CLK4: variants seen among roughly 807,000 people sequenced by gnomAD.
The protein encoded by CLK4 is CDC like kinase 4.
In CLK4, 37 loss-of-function variants were observed where a neutral mutation model predicts 64.4. The ratio of observed to expected loss-of-function variants is 0.57; its 90% CI spans 0.44 to 0.76. CLK4 has a LOEUF of 0.76. CLK4 is among the 30% of genes least tolerant of loss of function. The pLI is 0.00. For synonymous variants in CLK4, 175 were observed against 191.6 expected, an observed-to-expected ratio of 0.91 and a Z score of 0.72; for missense variants, 457 against 605.1, an observed-to-expected ratio of 0.76 and a Z score of 2.57.
chr5:178,611,776 C>A (rs907893633), intron 9 of CLK4, among the ~76,000 whole-genome samples: 6 of 152,244 alleles, frequency 3.9e-5, no homozygotes, highest in Admixed American at 3.9e-4. Context: ...CAGCTTATTA[C>A]ATTCAACTCT....
rs765466785 is a variant in CLK4 at position 178,616,889 on chromosome 5, G to C, written c.535C>G (p.His179Asp). 266 of 1,611,782 alleles carry C rather than the reference G, an allele frequency of 1.7e-4. 1 individual carries two copies. In the South Asian group the frequency reaches 2.8e-3, roughly 17 times the overall value. ...AFGKVVECIDHGMDGMHVAVK... is the reference protein window; with the variant it reads ...AFGKVVECIDDGMDGMHVAVK... ...AGGAAAAAACAAACTTACATGCCAT[G>C]ATCAATGCACTCTACAACTTTGCCA... Residue 179 changes from histidine (H) to aspartate (D), a missense_variant, in exon 5 of 13, where the codon CAT becomes GAT. Physicochemically the swap from His to Asp is moderately conservative, Grantham distance 81 (BLOSUM62 -1). Coordinates refer to ENST00000316308, the MANE Select transcript of CLK4 (RefSeq NM_020666.3).
In CLK4 at chr5:178,609,059, G is replaced by A. The variant is rs367706668; in HGVS notation, c.1052-601C>T. On this transcript the variant is annotated intron_variant, in intron 9 of 12. Transcript: ENST00000316308. The stretch of plus-strand genomic sequence containing the variant: ...AGAGAGGGATCTATACATAAACATC[G>A]GCGCTGTCTATACATGATTTTATAT... Among the ~76,000 whole-genome samples the A allele has an allele frequency of 3.4e-3, 520 of 152,128 alleles. 1 individual carries two copies. Among genetic ancestry groups the A allele is most frequent in the African/African-American group, 0.011 (465 of 41,498 alleles).
chr5:178,607,145 G>T (rs1303934469), intron 10 of CLK4, among the ~76,000 whole-genome samples: 2 of 151,106 alleles, frequency 1.3e-5, no homozygotes, highest in African/African-American at 2.4e-5. Context: ...AAGCAGGAGG[G>T]ATAATCTCTA....
chr5:178,622,084 A>C (rs187034233), intron 2 of CLK4: 5 of 152,316 alleles, frequency 3.3e-5, no homozygotes, highest in African/African-American at 1.2e-4. Context: ...TATGAGCACA[A>C]ATGAACTGTT....
At chr5:178,604,427 T>C (rs1340517122) in intron 11 of CLK4, 4 of 145,696 alleles carry the variant, frequency 2.7e-5, no homozygotes, top group East Asian at 4.0e-4. Flanking sequence ...AAAACACTTA[T>C]GCAAACGTAA....
chr5:178,607,387 T>C (rs531673172), intron 10 of CLK4, among the ~76,000 whole-genome samples: 2 of 152,234 alleles, frequency 1.3e-5, no homozygotes, highest in Non-Finnish European at 2.9e-5. Flanking sequence ...CTATTTCTTC[T>C]TCCTTATATG....
intron 1 of CLK4, among the ~76,000 whole-genome samples, chr5:178,624,559 C>T (rs1421760586): frequency 6.6e-6 from 1 of 152,150 alleles, no homozygotes; most frequent in Non-Finnish European, 1.5e-5. Flanking sequence ...TCAGCATCTG[C>T]GCTCAAACAA....
intron 10 of CLK4, among the ~76,000 whole-genome samples, chr5:178,607,304 A>G (rs1194610642): frequency 6.6e-6 from 1 of 152,052 alleles, no homozygotes; most frequent in African/African-American, 2.4e-5. Flanking sequence ...TCCCATTTAT[A>G]CAAGACACTC....
chr5:178,618,575 G>A lies in CLK4; in HGVS notation c.365C>T (p.Ser122Leu). ...SPKRKRNRHC[S>L]SHQSRSKSHR... Reference sequence around the variant, plus strand: ...TCATACCGAACGTGACTGATGACTTGAACAGTGTCTATTGCGCTTCCTTTT... The same window carrying A: ...TCATACCGAACGTGACTGATGACTTAAACAGTGTCTATTGCGCTTCCTTTT... Residue 122 changes from serine to leucine, a missense_variant, in exon 3 of 13, where the codon TCA (serine) becomes TTA (leucine). Ser to Leu is a moderately radical substitution (Grantham distance 145, BLOSUM62 -2). Transcript: ENST00000316308. The A allele has an allele frequency of 6.2e-7, 1 of 1,613,814 alleles. No individual in the cohort carries two copies. Among genetic ancestry groups the A allele is most frequent in the Non-Finnish European group, 8.5e-7 (1 of 1,179,844 alleles).
In CLK4 at chr5:178,605,205, A is replaced by G. The variant is rs769924199; in HGVS notation, c.1214+98T>C. 13 of 591,870 alleles carry G rather than the reference A, an allele frequency of 2.2e-5. 1 individual carries two copies. Among genetic ancestry groups the G allele is most frequent in the Middle Eastern group, 8.0e-4 (2 of 2,494 alleles). 36.7% of individuals were successfully genotyped at this position (591,870 alleles called of 1,614,324 possible). ...AAAAAAAAAAAAAGTCAAAATCTAT[A>G]GTCCTTGGAATCAGTATTACAACAA... On this transcript the variant is annotated intron_variant, in intron 11 of 12. Transcript: ENST00000316308.
In CLK4 at chr5:178,623,324, C is replaced by T; in HGVS notation, c.93G>A (p.Arg31=). 6.2e-7 allele frequency: 1 copy of T among 1,614,018 alleles called. No individual in the cohort carries two copies. The highest frequency in any genetic ancestry group is 8.5e-7 in the Non-Finnish European group (1 of 1,179,952). The change falls in exon 2 of 13, where the codon AGG becomes AGA. Residue 31 remains arginine, a synonymous_variant. Transcript: ENST00000316308. The part of the protein sequence containing the change: ...ESYRGSHKRK[R]RSHSSTQENR... ...TCTCTTGTGTGCTACTATGAGATCT[C>T]CTCTTCCGCTTGTGACTTCCACGAT... is the stretch of plus-strand genomic sequence containing the variant.
Position 178,626,998 on chromosome 5 carries a change from T to G in CLK4, c.-53A>C, listed in dbSNP as rs1330777012. 6.5e-6 allele frequency: 1 copy of G among 152,952 alleles called. No individual in the cohort carries two copies. The highest frequency in any genetic ancestry group is 6.5e-5 in the Admixed American group (1 of 15,292). 9.5% of individuals were successfully genotyped at this position (152,952 alleles called of 1,614,324 possible). ...CGAGAAATGTCGCCAAACTGCCGTC[T>G]TCCCTCCTCGGCCGCTGCGACAAAC... On this transcript the variant is annotated 5_prime_UTR_variant, in exon 1 of 13. Transcript: ENST00000316308.
intron 1 of CLK4, 31 bp from the exon 2 acceptor site, chr5:178,623,447 A>G (rs1764737172): frequency 6.3e-7 from 1 of 1,577,596 alleles, no homozygotes; most frequent in Non-Finnish European, 8.6e-7. Context: ...GGAATTGTGG[A>G]GGTTACAGAT....
intron 10 of CLK4, among the ~76,000 whole-genome samples, chr5:178,607,731 C>T (rs577784952): frequency 1.3e-5 from 2 of 151,944 alleles, no homozygotes; most frequent in East Asian, 3.9e-4. Context: ...AGGATGGTCT[C>T]GATCTCCTGA....
At chr5:178,625,924 T>C (rs562535631) in intron 1 of CLK4, among the ~76,000 whole-genome samples, 1 of 152,262 alleles carries the variant, frequency 6.6e-6, no homozygotes, top group Admixed American at 6.5e-5. Context: ...TTCGCATACA[T>C]AAAAAAGAAA....
chr5:178,625,751 C>T (rs962257594), intron 1 of CLK4, among the ~76,000 whole-genome samples: 2 of 152,184 alleles, frequency 1.3e-5, no homozygotes, highest in Non-Finnish European at 2.9e-5. Context: ...TAAGAACGAG[C>T]TCCGTTGTGA....
intron 1 of CLK4, among the ~76,000 whole-genome samples, chr5:178,624,407 G>C (rs1376422125): frequency 6.6e-6 from 1 of 152,164 alleles, no homozygotes; most frequent in African/African-American, 2.4e-5. Context: ...AAATCTATTT[G>C]TAGTAAATCT....
At position 178,618,650 on chromosome 5, in the gene CLK4, T is replaced by G. The variant is rs921503404; in HGVS notation, c.290A>C (p.Tyr97Ser). ...RHYHRDIESGYRIHCSKSSVR... is the reference protein window; with the variant it reads ...RHYHRDIESGSRIHCSKSSVR... ...TGAAGATTTACTGCAGTGGATTCGA[T>G]ACCCGCTTTCAATGTCTCTGTGATA... is the stretch of plus-strand genomic sequence containing the variant. Residue 97 changes from tyrosine to serine, a missense_variant, in exon 3 of 13, where the codon TAT (tyrosine) becomes TCT (serine). Transcript: ENST00000316308. 6.2e-7 allele frequency: 1 copy of G among 1,613,974 alleles called. No individual in the cohort carries two copies. The highest frequency in any genetic ancestry group is 8.5e-7 in the Non-Finnish European group (1 of 1,179,966).
chr5:178,609,965 T>G (rs1764533405), intron 9 of CLK4, among the ~76,000 whole-genome samples: 1 of 151,738 alleles, frequency 6.6e-6, no homozygotes, highest in African/African-American at 2.4e-5. Context: ...ACATACAAAA[T>G]CCGTAAATGC....
Sources: allele counts gnomAD v4.1 joint callset (sites outside exome capture counted in the v4.1 genomes callset), GRCh38; gene constraint gnomAD v4.1.1; transcripts MANE v1.5; gene names NCBI Gene and HGNC (gene_info 2026-07-23, HGNC 2026-07-21).